Variants in PLEKHA5 observed in about 807,000 individuals in gnomAD.
PLEKHA5 encodes pleckstrin homology domain containing A5.
In PLEKHA5, 55 loss-of-function variants were observed where a neutral mutation model predicts 181.9. The observed-to-expected ratio is 0.30, with a 90% CI of 0.24 to 0.38. PLEKHA5 has a LOEUF of 0.38. PLEKHA5 is among the 10% of genes least tolerant of loss of function. The pLI is 1.00. For synonymous variants in PLEKHA5, 535 were observed against 529.4 expected, an observed-to-expected ratio of 1.01 and a Z score of -0.15; for missense variants, 1,432 against 1,549.5, an observed-to-expected ratio of 0.92 and a Z score of 1.27.
chr12:19,360,040 T>C (rs1489664508), intron 28 of PLEKHA5, among the ~76,000 whole-genome samples: 2 of 151,768 alleles, frequency 1.3e-5, no homozygotes, highest in East Asian at 1.9e-4. Flanking sequence ...CATCAAGATA[T>C]GCATTAATTG....
intron 18 of PLEKHA5, chr12:19,321,691 C>G (rs948726706): frequency 2.0e-5 from 3 of 151,752 alleles, no homozygotes; most frequent in African/African-American, 4.8e-5. Context: ...TTCTTTTTAA[C>G]ACCTTTCATT....
chr12:19,351,737 G>A (rs2094604266), intron 25 of PLEKHA5, among the ~76,000 whole-genome samples: 1 of 152,122 alleles, frequency 6.6e-6, no homozygotes, highest in Middle Eastern at 3.4e-3. Context: ...TAAATACATT[G>A]GCAATTACAA....
intron 7 of PLEKHA5, among the ~76,000 whole-genome samples, chr12:19,264,077 G>A (rs760432165): frequency 2.9e-4 from 44 of 151,236 alleles, no homozygotes; most frequent in Non-Finnish European, 5.3e-4. Context: ...TTTTTTACAC[G>A]CACTGTCTTT....
intron 23 of PLEKHA5, 92 bp downstream of exon 23, chr12:19,345,980 A>G (rs960886602): frequency 1.6e-6 from 1 of 624,320 alleles, no homozygotes; most frequent in Non-Finnish European, 2.8e-6. Context: ...TAATAACAAA[A>G]ATATTTTTTA....
intron 3 of PLEKHA5, among the ~76,000 whole-genome samples, chr12:19,183,651 T>C (rs1294834538): frequency 1.3e-5 from 2 of 152,194 alleles, no homozygotes; most frequent in African/African-American, 4.8e-5. Flanking sequence ...GGCCATCTCT[T>C]GGTGTTTCAA....
intron 15 of PLEKHA5, among the ~76,000 whole-genome samples, chr12:19,301,803 G>C (rs1413151117): frequency 6.6e-6 from 1 of 152,150 alleles, no homozygotes; most frequent in Non-Finnish European, 1.5e-5. Context: ...GTTATAAAGA[G>C]ACTTATTTAC....
intron 11 of PLEKHA5, among the ~76,000 whole-genome samples, chr12:19,275,974 C>T (rs912561150): frequency 3.3e-5 from 5 of 152,142 alleles, no homozygotes; most frequent in Admixed American, 2.0e-4. Context: ...GTGACAAATA[C>T]AATGAAGGCA....
At chr12:19,168,185 C>T (rs994394718) in intron 3 of PLEKHA5, among the ~76,000 whole-genome samples, 8 of 152,080 alleles carry the variant, frequency 5.3e-5, no homozygotes, top group African/African-American at 1.4e-4. Flanking sequence ...AGGATTTAAG[C>T]TATTCTTAGA....
At position 19,358,220 on chromosome 12, in the gene PLEKHA5, C is replaced by T. The variant is rs2095056367; in HGVS notation, c.3139-8C>T. 1.9e-6 allele frequency: 3 copies of T among 1,596,114 alleles called. No homozygotes were observed. Among genetic ancestry groups the T allele is most frequent in the Non-Finnish European group, 2.6e-6 (3 of 1,165,248 alleles). On this transcript the variant is annotated splice_region_variant and splice_polypyrimidine_tract_variant and intron_variant, in intron 26 of 31. Transcript: ENST00000429027. ...TTATGTATTGATATGTTCATTTTTA[C>T]ATTGAAGGAAAGACCAAGAAGTGCA...
intron 3 of PLEKHA5, among the ~76,000 whole-genome samples, chr12:19,231,936 A>G (rs895793646): frequency 2.6e-5 from 4 of 152,098 alleles, no homozygotes; most frequent in Non-Finnish European, 5.9e-5. Context: ...ATTGTCTTCA[A>G]GCACCCAAAG....
chr12:19,287,929 T>C (rs1220399896), intron 13 of PLEKHA5: 2 of 224,300 alleles, frequency 8.9e-6, no homozygotes, highest in African/African-American at 4.7e-5. Flanking sequence ...AAATACAAAA[T>C]TAGCCGGGCA....
In PLEKHA5 at chr12:19,283,562, T is replaced by C; in HGVS notation, c.1596T>C (p.Ser532=). ...STLPRHSTLS[S]PKTMVNISDQ... is the part of the protein sequence containing the mutation. Reference sequence around the variant, plus strand: ...TCCCTCGACACAGTACTTTGAGTAGTCCCAAAACCATGGTAAATATTTCTG... The same window carrying C: ...TCCCTCGACACAGTACTTTGAGTAGCCCCAAAACCATGGTAAATATTTCTG... Residue 532 remains serine (S), a synonymous_variant, in exon 12 of 32, where the codon AGT becomes AGC. Coordinates refer to ENST00000429027, the MANE Select transcript of PLEKHA5 (RefSeq NM_001256470.2). 1.2e-6 allele frequency: 2 copies of C among 1,614,126 alleles called. No homozygotes were observed.
intron 3 of PLEKHA5, among the ~76,000 whole-genome samples, chr12:19,136,065 T>G (rs1159622524): frequency 6.6e-6 from 1 of 151,866 alleles, no homozygotes; most frequent in Non-Finnish European, 1.5e-5. Flanking sequence ...ATTGATTGAT[T>G]GAGAGAGACA....
chr12:19,353,151 A>T (rs1013649402), intron 25 of PLEKHA5, among the ~76,000 whole-genome samples: 11 of 148,180 alleles, frequency 7.4e-5, no homozygotes, highest in Non-Finnish European at 1.6e-4. Flanking sequence ...ATTTTTATTT[A>T]TTTATTTTTT....
chr12:19,326,167 C>G (rs917604851), intron 20 of PLEKHA5, among the ~76,000 whole-genome samples: 12 of 151,934 alleles, frequency 7.9e-5, no homozygotes, highest in African/African-American at 2.4e-4. Context: ...TATGACAAAC[C>G]CTCAGAATAT....
intron 3 of PLEKHA5, among the ~76,000 whole-genome samples, chr12:19,218,233 A>G: frequency 6.6e-6 from 1 of 152,192 alleles, no homozygotes; most frequent in Non-Finnish European, 1.5e-5. Flanking sequence ...TGTTTTAGAT[A>G]CATCCGAGAC....
intron 15 of PLEKHA5, among the ~76,000 whole-genome samples, chr12:19,313,238 G>T (rs1179667334): frequency 6.6e-6 from 1 of 152,100 alleles, no homozygotes; most frequent in African/African-American, 2.4e-5. Flanking sequence ...AGCTGGGCAT[G>T]GTGGCATGTG....
At chr12:19,249,203 T>C (rs2064585236) in intron 3 of PLEKHA5, among the ~76,000 whole-genome samples, 1 of 152,078 alleles carries the variant, frequency 6.6e-6, no homozygotes, top group Non-Finnish European at 1.5e-5. Flanking sequence ...AAAGATTAAC[T>C]ACAATAACTA....
intron 8 of PLEKHA5, among the ~76,000 whole-genome samples, chr12:19,269,053 T>C (rs2071588823): frequency 6.6e-6 from 1 of 152,130 alleles, no homozygotes; most frequent in South Asian, 2.1e-4. Flanking sequence ...TTGTTGCTGG[T>C]TGCTGGGAAT....
Sources: allele counts gnomAD v4.1 joint callset (sites outside exome capture counted in the v4.1 genomes callset), GRCh38; gene constraint gnomAD v4.1.1; transcripts MANE v1.5; gene names NCBI Gene and HGNC (gene_info 2026-07-23, HGNC 2026-07-21).